Variants in BIRC6 observed in about 807,000 individuals in gnomAD.
BIRC6 encodes the protein baculoviral IAP repeat containing 6.
Under a neutral mutation model 503.3 loss-of-function variants are expected in BIRC6, and 98 were observed. The ratio of observed to expected loss-of-function variants is 0.19; its 90% CI spans 0.17 to 0.23. The LOEUF (loss-of-function observed/expected upper bound fraction) is 0.23. Among genes scored for constraint, BIRC6 ranks in the 10% least tolerant of loss-of-function variants. BIRC6 has a pLI of 1.00. For missense variants in BIRC6, 5,360 were observed against 5,806.0 expected, an observed-to-expected ratio of 0.92 and a Z score of 2.50; for synonymous variants, 2,240 against 2,078.7, an observed-to-expected ratio of 1.08 and a Z score of -2.11.
In BIRC6 at chr2:32,464,556, T is replaced by TGCA. The variant is rs2048325222; in HGVS notation, c.4996_4998dup (p.Ala1666dup). The TGCA allele has an allele frequency of 3.1e-6, 5 of 1,603,682 alleles. No individual in the cohort carries two copies. The highest frequency in any genetic ancestry group is 3.4e-6 in the Non-Finnish European group (4 of 1,174,412). On this transcript the variant is annotated inframe_insertion, in exon 25 of 74. Coordinates refer to ENST00000421745, the MANE Select transcript of BIRC6 (RefSeq NM_016252.4). The stretch of plus-strand genomic sequence containing the variant: ...TACATCAGACAACAGCTGCAGCAGC[T>TGCA]GCAGCAGCATCAGCAGTAGGTCCTG...
At chr2:32,374,892 C>G (rs535736742) in intron 1 of BIRC6, among the ~76,000 whole-genome samples, 1 of 152,228 alleles carries the variant, frequency 6.6e-6, no homozygotes, top group South Asian at 2.1e-4. Context: ...GTGTGAGCCA[C>G]CATGCTGACG....
At chr2:32,474,219 C>A (rs780957358) in intron 33 of BIRC6, among the ~76,000 whole-genome samples, 3 of 151,840 alleles carry the variant, frequency 2.0e-5, no homozygotes, top group Non-Finnish European at 2.9e-5. Context: ...GTAGACTTGG[C>A]AATACGTTTT....
At chr2:32,513,707 G>A (rs986132029) in intron 54 of BIRC6, among the ~76,000 whole-genome samples, 3 of 152,120 alleles carry the variant, frequency 2.0e-5, no homozygotes, top group Non-Finnish European at 4.4e-5. Context: ...TCAGGAGTTC[G>A]AGACCAGCCT....
chr2:32,553,576 G>T (rs2150480459), intron 65 of BIRC6, among the ~76,000 whole-genome samples: 1 of 151,940 alleles, frequency 6.6e-6, no homozygotes, highest in South Asian at 2.1e-4. Flanking sequence ...TTTGAGTAAA[G>T]ACAGGGTTTC....
intron 65 of BIRC6, among the ~76,000 whole-genome samples, chr2:32,559,851 T>G (rs1159857266): frequency 3.3e-5 from 5 of 152,056 alleles, no homozygotes; most frequent in Non-Finnish European, 7.4e-5. Context: ...CTGTCTCTAC[T>G]GAAAATACAA....
chr2:32,509,333 C>T lies in BIRC6; in HGVS notation c.9981-405C>T, dbSNP rs577753425. Among the ~76,000 whole-genome samples, 3 of 152,258 alleles carry T rather than the reference C, an allele frequency of 2.0e-5. No individual in the cohort carries two copies. In the East Asian group the frequency reaches 5.8e-4, roughly 30 times the overall value. ...GCAGTGGTGCAGTCTAGACTCACTG[C>T]AACTTCTGCCTCCCGAGTTCAAATG... On this transcript the variant is annotated intron_variant, in intron 51 of 73. Coordinates refer to ENST00000421745, the MANE Select transcript of BIRC6 (RefSeq NM_016252.4).
chr2:32,534,374 CAA>C (rs200134446), intron 61 of BIRC6, among the ~76,000 whole-genome samples: 11 of 92,576 alleles, frequency 1.2e-4, no homozygotes, highest in Admixed American at 2.5e-4. Context: ...AATTCCATCT[CAA>C]AAAAAAAAAA....
chr2:32,570,351 T>C (rs2059832434), intron 65 of BIRC6, among the ~76,000 whole-genome samples: 1 of 152,176 alleles, frequency 6.6e-6, no homozygotes, highest in Non-Finnish European at 1.5e-5. Flanking sequence ...GACTGGCTAA[T>C]TTTTTTATTT....
chr2:32,522,785 G>A (rs1000771401), intron 57 of BIRC6: 1 of 152,150 alleles, frequency 6.6e-6, no homozygotes, highest in Non-Finnish European at 1.5e-5. Context: ...GGCCTTCAGT[G>A]GTTTGCTCAC....
At position 32,499,558 on chromosome 2, in the gene BIRC6, A is replaced by C. The variant is rs943047432; in HGVS notation, c.8480A>C (p.Gln2827Pro). Reference protein sequence around the residue: ...HILSTERGAFQTGQGPLDAQV... With the variant: ...HILSTERGAFPTGQGPLDAQV... ...CTCTCTCTCTGCAGGGGTGCTTTCC[A>C]GACAGGCCAAGGACCTCTCGATGCC... The change falls in exon 46 of 74, where the codon CAG becomes CCG. Residue 2827 changes from glutamine (Q) to proline (P), a missense_variant. Physicochemically the swap from Gln to Pro is moderately conservative, Grantham distance 76. Coordinates refer to ENST00000421745, the MANE Select transcript of BIRC6 (RefSeq NM_016252.4). 1 of 1,604,464 alleles carries C rather than the reference A, an allele frequency of 6.2e-7. No homozygotes were observed. The highest frequency in any genetic ancestry group is 1.3e-5 in the African/African-American group (1 of 74,546).
Position 32,515,423 on chromosome 2 carries a change from C to G in BIRC6, c.11002C>G (p.His3668Asp). The stretch of plus-strand genomic sequence containing the variant: ...TTCCCAGGACAAACTCAGGCGCCAT[C>G]ATGTCCCACAACAATGTAATAAGAT... Reference protein sequence around the residue: ...DISQDKLRRHHVPQQCNKMPI... With the variant: ...DISQDKLRRHDVPQQCNKMPI... The change falls in exon 55 of 74, where the codon CAT (histidine) becomes GAT (aspartate). Residue 3668 changes from histidine to aspartate, a missense_variant. Physicochemically the swap from His to Asp is moderately conservative, Grantham distance 81. Coordinates refer to ENST00000421745, the MANE Select transcript of BIRC6 (RefSeq NM_016252.4). 1 of 1,613,044 alleles carries G rather than the reference C, an allele frequency of 6.2e-7. No homozygotes were observed. The highest frequency in any genetic ancestry group is 8.5e-7 in the Non-Finnish European group (1 of 1,179,852).
chr2:32,597,919 C>T lies in BIRC6; in HGVS notation c.13781C>T (p.Ser4594Phe), dbSNP rs745399724. 10 of 1,613,662 alleles carry T rather than the reference C, an allele frequency of 6.2e-6. No homozygotes were observed. The highest frequency in any genetic ancestry group is 7.6e-6 in the Non-Finnish European group (9 of 1,179,866). ...TLSTSLPLSS[S>F]SSVFVRCDEE... ...TCAACCTCACTGCCTCTGTCTTCAT[C>T]CTCTAGTGTGTTTGTACGCTGTGAT... The change falls in exon 69 of 74, where the codon TCC becomes TTC. Residue 4594 changes from serine to phenylalanine, a missense_variant. Coordinates refer to ENST00000421745, the MANE Select transcript of BIRC6 (RefSeq NM_016252.4).
intron 9 of BIRC6, among the ~76,000 whole-genome samples, chr2:32,410,899 G>A (rs1484447770): frequency 6.6e-6 from 1 of 151,774 alleles, no homozygotes; most frequent in Non-Finnish European, 1.5e-5. Flanking sequence ...ACGGGGTTTC[G>A]CTGTGTTAGC....
chr2:32,558,572 A>G (rs2058943284), intron 65 of BIRC6: 1 of 152,214 alleles, frequency 6.6e-6, no homozygotes, highest in Admixed American at 6.5e-5. Flanking sequence ...CACAGATTAA[A>G]CACATCACAT....
At chr2:32,368,675 G>A (rs1012483485) in intron 1 of BIRC6, among the ~76,000 whole-genome samples, 1 of 152,014 alleles carries the variant, frequency 6.6e-6, no homozygotes, top group Non-Finnish European at 1.5e-5. Flanking sequence ...CTTTTGAAAC[G>A]GAGTCTCACT....
chr2:32,618,077 T>G lies in BIRC6; in HGVS notation c.*173T>G. On this transcript the variant is annotated 3_prime_UTR_variant, in exon 74 of 74. Transcript: ENST00000421745. ...GATCTTTTATTTACCTGTACAGGAGTGTAAACTTTTTTGTGCTTTTATTTT... is the reference window on the plus strand; with the variant it reads ...GATCTTTTATTTACCTGTACAGGAGGGTAAACTTTTTTGTGCTTTTATTTT... 1.7e-6 allele frequency: 1 copy of G among 577,538 alleles called. No homozygotes were observed. The highest frequency in any genetic ancestry group is 2.7e-6 in the Non-Finnish European group (1 of 370,202). 35.8% of individuals were successfully genotyped at this position (577,538 alleles called of 1,614,324 possible). A position where few individuals can be genotyped will look rare whatever the true frequency, so the allele number is the denominator to read the frequency against.
chr2:32,535,296 C>A (rs1203459262), intron 61 of BIRC6, among the ~76,000 whole-genome samples: 1 of 151,418 alleles, frequency 6.6e-6, no homozygotes, highest in East Asian at 1.9e-4. Flanking sequence ...CAGGGAATTA[C>A]AACTTTATTT....
intron 8 of BIRC6, among the ~76,000 whole-genome samples, chr2:32,403,948 G>C (rs2040885554): frequency 7.0e-6 from 1 of 142,384 alleles, no homozygotes. Flanking sequence ...TTTTTTTGGA[G>C]ACAGAGTCTC....
At chr2:32,437,218 G>A (rs2044825743) in intron 15 of BIRC6, among the ~76,000 whole-genome samples, 1 of 152,058 alleles carries the variant, frequency 6.6e-6, no homozygotes, top group Admixed American at 6.6e-5. Flanking sequence ...GAAGAGCTTC[G>A]CCAGTATCAT....
Sources: allele counts gnomAD v4.1 joint callset (sites outside exome capture counted in the v4.1 genomes callset), GRCh38; gene constraint gnomAD v4.1.1; transcripts MANE v1.5; gene names NCBI Gene and HGNC (gene_info 2026-07-23, HGNC 2026-07-21).